Variants in EML4 observed in about 807,000 individuals in gnomAD.
EML4 encodes echinoderm microtubule-associated protein-like 4.
EML4 carries 72 observed loss-of-function variants against 129.0 expected under a neutral mutation model. The observed-to-expected ratio is 0.56, with a 90% CI of 0.46 to 0.68. EML4 has a LOEUF of 0.68. Ranked by LOEUF, EML4 falls within the 30% of genes least tolerant of loss-of-function variation. The pLI, the probability that EML4 is intolerant of heterozygous loss-of-function variation, is 0.00. For synonymous variants in EML4, 532 were observed against 405.0 expected (o/e 1.31, Z -3.77); for missense variants, 1,363 against 1,190.6 (o/e 1.14, Z -2.13).
chr2:42,203,859 G>A (rs1558499299), intron 1 of EML4, among the ~76,000 whole-genome samples: 1 of 152,056 alleles, frequency 6.6e-6, no homozygotes, highest in Non-Finnish European at 1.5e-5. Flanking sequence ...TGAAAATATA[G>A]TGCTTACTAT....
chr2:42,224,075 T>G (rs900809124), intron 1 of EML4, among the ~76,000 whole-genome samples: 5 of 152,170 alleles, frequency 3.3e-5, no homozygotes, highest in Admixed American at 2.6e-4. Context: ...ATAATTCACA[T>G]GCCATATGAA....
chr2:42,181,092 T>C (rs1401736748), intron 1 of EML4, among the ~76,000 whole-genome samples: 1 of 152,246 alleles, frequency 6.6e-6, no homozygotes, highest in East Asian at 1.9e-4. Context: ...ATGTCCATTC[T>C]GATCACTTGG....
Position 42,282,931 on chromosome 2 carries a change from A to T in EML4, c.900A>T (p.Arg300Ser), listed in dbSNP as rs765420129. Residue 300 changes from arginine (R) to serine (S), a missense_variant, in exon 8 of 23, where the codon AGA becomes AGT. Transcript: ENST00000318522. ...SVVVLFNYEERTQRHYLGHTD... is the reference protein window; with the variant it reads ...SVVVLFNYEESTQRHYLGHTD... The stretch of plus-strand genomic sequence containing the variant: ...TAGTACTATTTAATTATGAGGAGAG[A>T]ACTCAGCGACACTACCTGGGCCATA... 1 of 1,613,798 alleles carries T rather than the reference A, an allele frequency of 6.2e-7. No individual in the cohort carries two copies.
At chr2:42,286,195 C>T (rs773384215) in intron 9 of EML4, 74 bp from the exon 10 acceptor site, 7 of 847,066 alleles carry the variant, frequency 8.3e-6, no homozygotes, top group Middle Eastern at 4.4e-4. Context: ...TTTTAAATGG[C>T]ATTAGTTCTG....
chr2:42,213,444 C>T (rs1019953414), intron 1 of EML4, among the ~76,000 whole-genome samples: 4 of 152,240 alleles, frequency 2.6e-5, no homozygotes, highest in South Asian at 2.1e-4. Flanking sequence ...TATCATAGTC[C>T]ATTTACCCAG....
intron 1 of EML4, among the ~76,000 whole-genome samples, chr2:42,177,363 G>A (rs768254360): frequency 6.6e-6 from 1 of 151,980 alleles, no homozygotes; most frequent in Non-Finnish European, 1.5e-5. Flanking sequence ...GCTCACGCCT[G>A]TAATCCCAAC....
intron 11 of EML4, among the ~76,000 whole-genome samples, chr2:42,291,080 A>G (rs1667614885): frequency 6.6e-6 from 1 of 152,206 alleles, no homozygotes; most frequent in Non-Finnish European, 1.5e-5. Context: ...GAATATAGAA[A>G]CAGGTTACAC....
chr2:42,180,407 T>C (rs1462203094), intron 1 of EML4, among the ~76,000 whole-genome samples: 2 of 152,188 alleles, frequency 1.3e-5, no homozygotes, highest in East Asian at 3.8e-4. Flanking sequence ...TTGGTTTCTA[T>C]TGAAAAATAG....
intron 9 of EML4, among the ~76,000 whole-genome samples, chr2:42,285,026 G>A (rs1553384962): frequency 6.6e-6 from 1 of 151,878 alleles, no homozygotes; most frequent in Admixed American, 6.6e-5. Flanking sequence ...AGGTACTGCA[G>A]TTTCCCTTAG....
chr2:42,245,421 C>G (rs1400583606), intron 1 of EML4, 84 bp from the exon 2 acceptor site: 3 of 1,309,324 alleles, frequency 2.3e-6, no homozygotes, highest in South Asian at 1.3e-5. Context: ...TTTTGTAAGT[C>G]TTATGTGGGA....
At chr2:42,263,398 C>CTTTT (rs67401314) in intron 5 of EML4, 92 bp downstream of exon 5, 236 of 240,772 alleles carry the variant, frequency 9.8e-4, no homozygotes, top group African/African-American at 1.7e-3. Context: ...TGGTTTGAAT[C>CTTTT]TTTTTTTTTT....
At chr2:42,220,485 A>C (rs760046843) in intron 1 of EML4, among the ~76,000 whole-genome samples, 10 of 152,074 alleles carry the variant, frequency 6.6e-5, no homozygotes, top group Non-Finnish European at 1.2e-4. Flanking sequence ...AAGATAGCCT[A>C]CTTAATAAAT....
intron 6 of EML4, among the ~76,000 whole-genome samples, chr2:42,273,411 A>G (rs554085482): frequency 6.6e-6 from 1 of 152,326 alleles, no homozygotes; most frequent in South Asian, 2.1e-4. Context: ...TTATGACAGA[A>G]TTGTAAACAA....
intron 2 of EML4, among the ~76,000 whole-genome samples, chr2:42,255,578 G>T (rs541927339): frequency 1.3e-5 from 2 of 152,092 alleles, no homozygotes; most frequent in African/African-American, 4.8e-5. Flanking sequence ...CTTGTTTGAC[G>T]TACTAGAACT....
intron 1 of EML4, among the ~76,000 whole-genome samples, chr2:42,181,605 A>AT (rs1670949440): frequency 6.6e-6 from 1 of 151,984 alleles, no homozygotes; most frequent in African/African-American, 2.4e-5. Context: ...CAGGTTTCAT[A>AT]TTTTTTTGAT....
chr2:42,253,911 T>C (rs930510982), intron 2 of EML4, among the ~76,000 whole-genome samples: 3 of 152,218 alleles, frequency 2.0e-5, no homozygotes, highest in African/African-American at 7.2e-5. Flanking sequence ...AAAAATCAAT[T>C]AATTGAATTT....
intron 1 of EML4, among the ~76,000 whole-genome samples, chr2:42,241,964 T>G (rs1255238978): frequency 6.6e-6 from 1 of 152,060 alleles, no homozygotes; most frequent in Non-Finnish European, 1.5e-5. Context: ...CTTTGAAAAA[T>G]TGTTCTTGTG....
In EML4 at chr2:42,204,230, T is replaced by TA. The variant is rs1256848387; in HGVS notation, c.25+34602dup. Among the ~76,000 whole-genome samples, 6 of 152,152 alleles carry TA rather than the reference T, an allele frequency of 3.9e-5. No homozygotes were observed. In the East Asian group the frequency reaches 1.2e-3, roughly 29 times the overall value. ...CCACCATACCTGGCCTATCTTTCTT[T>TA]AAAAAAAATTAGAAGTTTTAGTTTT... On this transcript the variant is annotated intron_variant, in intron 1 of 22. Coordinates refer to ENST00000318522, the MANE Select transcript of EML4 (RefSeq NM_019063.5).
chr2:42,297,595 G>A (rs1668030427), intron 13 of EML4, among the ~76,000 whole-genome samples: 1 of 152,206 alleles, frequency 6.6e-6, no homozygotes, highest in Non-Finnish European at 1.5e-5. Flanking sequence ...AATTGGCTGG[G>A]AAGAATTTGG....
Sources: gnomAD v4.1 joint callset for allele counts (sites outside exome capture counted in the v4.1 genomes callset) on GRCh38, gnomAD v4.1.1 for gene constraint, MANE v1.5 for transcripts, NCBI Gene and HGNC (gene_info 2026-07-23, HGNC 2026-07-21) for gene names.